Variants in LOC400499 observed in about 807,000 individuals in gnomAD.
At chr16:11,432,586 T>C in the LOC400499 span, among the ~76,000 whole-genome samples, 8 of 152,164 alleles carry the variant, frequency 5.3e-5, no homozygotes, top group Non-Finnish European at 1.0e-4. Flanking sequence ...TAATGAGTGA[T>C]TGATAAATGT....
chr16:11,391,576 C>T, the LOC400499 span: 1 of 1,106,238 alleles, frequency 9.0e-7, no homozygotes, highest in Non-Finnish European at 1.1e-6. Flanking sequence ...TGAAACAGTG[C>T]CACAGGCCAA....
chr16:11,411,500 G>A, the LOC400499 span, among the ~76,000 whole-genome samples: 2 of 152,212 alleles, frequency 1.3e-5, no homozygotes, highest in Non-Finnish European at 2.9e-5. Context: ...GGGCCATACG[G>A]TGCCCTGGTT....
At chr16:11,497,459 C>G in the LOC400499 span, among the ~76,000 whole-genome samples, 19 of 152,290 alleles carry the variant, frequency 1.2e-4, no homozygotes, top group African/African-American at 4.3e-4. Context: ...ATGGGAGGGG[C>G]CGCCTGCTGG....
the LOC400499 span, among the ~76,000 whole-genome samples, chr16:11,451,057 T>C: frequency 6.6e-6 from 1 of 152,240 alleles, no homozygotes; most frequent in African/African-American, 2.4e-5. Context: ...TGGAGATTTA[T>C]ACATTTCACT....
the LOC400499 span, among the ~76,000 whole-genome samples, chr16:11,490,228 T>C: frequency 2.0e-5 from 3 of 151,772 alleles, no homozygotes; most frequent in South Asian, 6.2e-4. Flanking sequence ...AAACCATCTC[T>C]ACTAAAAGAA....
chr16:11,456,921 G>T, the LOC400499 span: 1 of 1,536,284 alleles, frequency 6.5e-7, no homozygotes. Context: ...CACAAACAGC[G>T]GCCGCCCATT....
At chr16:11,466,120 G>A in the LOC400499 span, among the ~76,000 whole-genome samples, 1 of 152,098 alleles carries the variant, frequency 6.6e-6, no homozygotes, top group Non-Finnish European at 1.5e-5. Context: ...CTACACAGGA[G>A]GCACTTATTT....
the LOC400499 span, chr16:11,414,316 G>A: frequency 2.5e-6 from 1 of 399,308 alleles, no homozygotes; most frequent in East Asian, 3.6e-5. Flanking sequence ...AATGTGGAGG[G>A]AGGTCCTGCT....
chr16:11,462,063 C>G, the LOC400499 span: 2 of 1,389,186 alleles, frequency 1.4e-6, no homozygotes, highest in Admixed American at 3.2e-5. Flanking sequence ...CTTGGGCCAC[C>G]ACACCCTAAC....
the LOC400499 span, among the ~76,000 whole-genome samples, chr16:11,451,660 G>T: frequency 6.6e-6 from 1 of 152,198 alleles, no homozygotes; most frequent in South Asian, 2.1e-4. Flanking sequence ...ATAAAAATTG[G>T]TTAGGTCAGC....
chr16:11,425,681 T>C, the LOC400499 span, among the ~76,000 whole-genome samples: 1 of 152,194 alleles, frequency 6.6e-6, no homozygotes, highest in Non-Finnish European at 1.5e-5. Flanking sequence ...TATATTTATA[T>C]AGAGCTATAC....
At chr16:11,417,786 G>A in the LOC400499 span, 2 of 398,986 alleles carry the variant, frequency 5.0e-6, no homozygotes, top group East Asian at 7.1e-5. Context: ...GCCCCATCAG[G>A]ATGCGTCCAG....
At chr16:11,402,293 C>T in the LOC400499 span, 1 of 397,370 alleles carries the variant, frequency 2.5e-6, no homozygotes, top group African/African-American at 2.1e-5. Context: ...GCCACACAGC[C>T]AGATAATTTT....
At chr16:11,500,111 T>G in the LOC400499 span, among the ~76,000 whole-genome samples, 1 of 152,208 alleles carries the variant, frequency 6.6e-6, no homozygotes, top group Non-Finnish European at 1.5e-5. Context: ...TGATTTCAAG[T>G]GCTCAGATTT....
At chr16:11,404,531 G>C in the LOC400499 span, among the ~76,000 whole-genome samples, 3 of 152,306 alleles carry the variant, frequency 2.0e-5, no homozygotes, top group Admixed American at 2.0e-4. Context: ...ATTTTTAGTA[G>C]AGATGGGGTT....
At chr16:11,463,588 G>A in the LOC400499 span, among the ~76,000 whole-genome samples, 24 of 152,092 alleles carry the variant, frequency 1.6e-4, no homozygotes, top group Admixed American at 7.9e-4. Context: ...GTGTAAAGAG[G>A]TGTATATATA....
chr16:11,449,560 A>G, the LOC400499 span, among the ~76,000 whole-genome samples: 2 of 152,182 alleles, frequency 1.3e-5, no homozygotes, highest in African/African-American at 4.8e-5. Context: ...ACCCTGGCAC[A>G]AGCCCCCCAT....
At chr16:11,393,319 G>A in the LOC400499 span, 1 of 1,148,142 alleles carries the variant, frequency 8.7e-7, no homozygotes, top group Non-Finnish European at 1.1e-6. Context: ...TTAACGCCCA[G>A]ACCCCCGTCC....
At chr16:11,432,048 C>T in the LOC400499 span, among the ~76,000 whole-genome samples, 2 of 152,172 alleles carry the variant, frequency 1.3e-5, no homozygotes, top group South Asian at 4.1e-4. Context: ...GCCCAAGCAG[C>T]CACTTGAAAA....
Sources: gnomAD v4.1 joint callset for allele counts (sites outside exome capture counted in the v4.1 genomes callset) on GRCh38, gnomAD v4.1.1 for gene constraint, MANE v1.5 for transcripts.